The following CTNNA3 variants were observed in gnomAD, a reference collection of about 807,000 sequenced individuals.
The protein encoded by CTNNA3 is catenin alpha-3.
In CTNNA3, 76 loss-of-function variants were observed where a neutral mutation model predicts 95.7. The observed-to-expected ratio is 0.79, with a 90% confidence interval of 0.66 to 0.96. The LOEUF is 0.96. CTNNA3 is among the 40% of genes least tolerant of loss of function. The pLI, the probability that CTNNA3 is intolerant of heterozygous loss-of-function variation, is 0.00. For synonymous variants in CTNNA3, 431 were observed against 374.4 expected (o/e 1.15, Z -1.74); for missense variants, 1,191 against 1,089.8 (o/e 1.09, Z -1.31).
chr10:67,712,383 G>A (rs1841116486), intron 1 of CTNNA3, among the ~76,000 whole-genome samples: 1 of 152,192 alleles, frequency 6.6e-6, no homozygotes, highest in Non-Finnish European at 1.5e-5. Flanking sequence ...TGGGGAATAT[G>A]TCTCCAAGGC....
intron 7 of CTNNA3, among the ~76,000 whole-genome samples, chr10:66,891,375 G>A (rs1845263326): frequency 6.6e-6 from 1 of 152,134 alleles, no homozygotes; most frequent in Non-Finnish European, 1.5e-5. Context: ...CTCTCATAAA[G>A]CAACTCTCAC....
At chr10:67,159,129 A>G (rs543477262) in intron 7 of CTNNA3, among the ~76,000 whole-genome samples, 5 of 152,314 alleles carry the variant, frequency 3.3e-5, no homozygotes, top group African/African-American at 1.2e-4. Context: ...GTATAGAACA[A>G]CACTGTGAAA....
At chr10:67,529,863 C>A (rs1182582574) in intron 4 of CTNNA3, among the ~76,000 whole-genome samples, 1 of 151,994 alleles carries the variant, frequency 6.6e-6, no homozygotes, top group African/African-American at 2.4e-5. Flanking sequence ...TCCCACAATT[C>A]CCAAGTGTCA....
At chr10:66,996,277 T>C (rs1360556515) in intron 7 of CTNNA3, among the ~76,000 whole-genome samples, 1 of 152,218 alleles carries the variant, frequency 6.6e-6, no homozygotes, top group Admixed American at 6.5e-5. Flanking sequence ...ATTATCTATC[T>C]AACTTAGTAG....
At chr10:66,140,543 G>A (rs752503920) in intron 13 of CTNNA3, among the ~76,000 whole-genome samples, 5 of 152,104 alleles carry the variant, frequency 3.3e-5, no homozygotes, top group Admixed American at 2.0e-4. Flanking sequence ...TCATAATGTC[G>A]TTAGGTATTG....
At chr10:66,999,365 C>A (rs1851550578) in intron 7 of CTNNA3, among the ~76,000 whole-genome samples, 1 of 152,048 alleles carries the variant, frequency 6.6e-6, no homozygotes. Context: ...CAAGAAAAAA[C>A]TTGGGATTCC....
At chr10:67,192,831 C>T (rs972340206) in intron 6 of CTNNA3, among the ~76,000 whole-genome samples, 10 of 151,848 alleles carry the variant, frequency 6.6e-5, no homozygotes, top group Admixed American at 3.9e-4. Context: ...ATAGCCAAAA[C>T]ATGGCAACTA....
intron 9 of CTNNA3, among the ~76,000 whole-genome samples, chr10:66,687,991 G>A (rs1436616220): frequency 6.6e-6 from 1 of 152,196 alleles, no homozygotes; most frequent in South Asian, 2.1e-4. Context: ...AAGAGAGATT[G>A]TGTCAAACAC....
At chr10:66,015,275 T>C (rs1436710653) in intron 15 of CTNNA3, among the ~76,000 whole-genome samples, 6 of 152,114 alleles carry the variant, frequency 3.9e-5, no homozygotes, top group Admixed American at 3.3e-4. Flanking sequence ...AATAGACTAG[T>C]CTTTCTAGGC....
intron 9 of CTNNA3, among the ~76,000 whole-genome samples, chr10:66,713,776 A>G (rs1848367829): frequency 6.6e-6 from 1 of 152,070 alleles, no homozygotes; most frequent in Admixed American, 6.6e-5. Context: ...AAAACCCTCC[A>G]GTAATATCCC....
chr10:66,033,519 T>G (rs984620368), intron 15 of CTNNA3, among the ~76,000 whole-genome samples: 2 of 152,054 alleles, frequency 1.3e-5, no homozygotes, highest in Non-Finnish European at 2.9e-5. Context: ...TATGCATACA[T>G]GTATGCACAT....
intron 12 of CTNNA3, among the ~76,000 whole-genome samples, chr10:66,361,542 T>TTCTC (rs1332253199): frequency 6.6e-6 from 1 of 151,392 alleles, no homozygotes; most frequent in African/African-American, 2.4e-5. Flanking sequence ...CTTTCTTTCT[T>TTCTC]TCTTTCTTTT....
intron 7 of CTNNA3, among the ~76,000 whole-genome samples, chr10:66,881,205 G>A (rs1844840011): frequency 6.6e-6 from 1 of 152,114 alleles, no homozygotes; most frequent in African/African-American, 2.4e-5. Context: ...CAGTTTATAT[G>A]AACTCAGTTC....
intron 5 of CTNNA3, among the ~76,000 whole-genome samples, chr10:67,477,524 G>A (rs565923368): frequency 6.6e-6 from 1 of 152,186 alleles, no homozygotes; most frequent in Admixed American, 6.5e-5. Context: ...AACCTGCATA[G>A]CCCAATACAA....
At chr10:66,666,051 A>G (rs1356934520) in intron 9 of CTNNA3, among the ~76,000 whole-genome samples, 1 of 152,148 alleles carries the variant, frequency 6.6e-6, no homozygotes, top group Non-Finnish European at 1.5e-5. Flanking sequence ...AATCTAATAT[A>G]AGTCCAACAC....
At chr10:67,569,097 C>T (rs138411737) in intron 3 of CTNNA3, among the ~76,000 whole-genome samples, 25 of 152,240 alleles carry the variant, frequency 1.6e-4, no homozygotes, top group African/African-American at 6.0e-4. Context: ...GGAAACATTT[C>T]CATTGAAGAC....
rs987808358 is a variant in CTNNA3, at chr10:66,639,668, T to TA, written c.1282-17885dup. Among the ~76,000 whole-genome samples, 125 of 152,242 alleles carry TA rather than the reference T, an allele frequency of 8.2e-4. 1 individual carries two copies. Among genetic ancestry groups the TA allele is most frequent in the Non-Finnish European group, 1.6e-3 (108 of 67,992 alleles). On this transcript the variant is annotated intron_variant, in intron 9 of 17. Transcript: ENST00000433211. ...TCTTTCATATTCTCCAGTAAAAAGATAAAACTTGAAGTATTTATTTAGAAG... is the reference window on the plus strand; with the variant it reads ...TCTTTCATATTCTCCAGTAAAAAGATAAAAACTTGAAGTATTTATTTAGAAG...
At chr10:66,559,173 C>A (rs1842476765) in intron 10 of CTNNA3, among the ~76,000 whole-genome samples, 1 of 152,084 alleles carries the variant, frequency 6.6e-6, no homozygotes, top group Admixed American at 6.6e-5. Context: ...TCATCTCCTT[C>A]TAGCTATTCT....
chr10:66,536,136 T>TGAGAGAGAGAGAGAGAGA (rs71035152), intron 10 of CTNNA3, among the ~76,000 whole-genome samples: 1 of 143,756 alleles, frequency 7.0e-6, no homozygotes, highest in Non-Finnish European at 1.5e-5. Context: ...TGAAACGACA[T>TGAGAGAGAGAGAGAGAGA]GAGAGAGAGA....
Sources: gnomAD v4.1 joint callset for allele counts (sites outside exome capture counted in the v4.1 genomes callset) on GRCh38, gnomAD v4.1.1 for gene constraint, MANE v1.5 for transcripts, NCBI Gene and HGNC (gene_info 2026-07-23, HGNC 2026-07-21) for gene names.